Variants in FAAH2 observed in about 807,000 individuals in gnomAD.
The protein encoded by FAAH2 is fatty-acid amide hydrolase 2.
FAAH2 carries 60 observed loss-of-function variants against 36.9 expected under a neutral mutation model. The ratio of observed to expected loss-of-function variants is 1.63; its 90% CI spans 1.32 to 2.02. FAAH2 has a LOEUF of 2.02. Ranked by LOEUF, FAAH2 falls within the 30% of genes most tolerant of loss-of-function variation. The pLI is 0.00. For missense variants in FAAH2, 689 were observed against 397.5 expected (o/e 1.73, Z -6.23); for synonymous variants, 214 against 143.8 (o/e 1.49, Z -3.49).
At chrX:57,222,385 C>A in the FAAH2 span, among the ~76,000 whole-genome samples, 7,878 of 110,980 alleles carry the variant, frequency 0.071, 699 homozygotes, top group African/African-American at 0.25. Context: ...CCCTCTATAT[C>A]GACAGATGAT....
At chrX:57,374,509 G>T (rs1181714172) in intron 5 of FAAH2, among the ~76,000 whole-genome samples, 1 of 111,722 alleles carries the variant, frequency 9.0e-6, no homozygotes, top group African/African-American at 3.2e-5. Flanking sequence ...TTGATTCTCA[G>T]CTTGGTCGCT....
intron 10 of FAAH2, among the ~76,000 whole-genome samples, chrX:57,458,892 G>A (rs1266632568): frequency 8.9e-6 from 1 of 112,350 alleles, no homozygotes; most frequent in Non-Finnish European, 1.9e-5. Context: ...CTGGGAGGCT[G>A]TTTGGGCAGT....
At position 57,447,001 on chromosome X, in the gene FAAH2, G is replaced by C; in HGVS notation, c.1190G>C (p.Trp397Ser). The change falls in exon 9 of 11, where the codon TGG becomes TCG. Residue 397 changes from tryptophan (W) to serine (S), a missense_variant. Transcript: ENST00000374900. ...HVSPLWELIK[W>S]CLGLSVYTIP... ...AGTCCTCTGTGGGAGTTGATCAAATGGTGCCTGGGTCTGTCAGTGTACACC... is the reference window on the plus strand; with the variant it reads ...AGTCCTCTGTGGGAGTTGATCAAATCGTGCCTGGGTCTGTCAGTGTACACC... 7 of 1,208,628 alleles carry C rather than the reference G, an allele frequency of 5.8e-6. No individual in the cohort carries two copies. The highest frequency in any genetic ancestry group is 7.8e-6 in the Non-Finnish European group (7 of 893,621).
the FAAH2 span, among the ~76,000 whole-genome samples, chrX:57,157,721 G>T: frequency 8.9e-6 from 1 of 111,887 alleles, no homozygotes; most frequent in African/African-American, 3.2e-5. Flanking sequence ...GGTATTTTTT[G>T]CATGAATACT....
chrX:57,231,094 T>C, the FAAH2 span, among the ~76,000 whole-genome samples: 23 of 109,159 alleles, frequency 2.1e-4, no homozygotes, highest in African/African-American at 6.7e-4. Context: ...TATGGGTTTC[T>C]GAGGTCAGTA....
chrX:57,218,371 C>G, the FAAH2 span, among the ~76,000 whole-genome samples: 5 of 111,788 alleles, frequency 4.5e-5, no homozygotes, highest in Non-Finnish European at 7.5e-5. Context: ...TAAGGTATGT[C>G]CCTTGTATGC....
At chrX:57,204,383 G>T in the FAAH2 span, among the ~76,000 whole-genome samples, 3 of 111,585 alleles carry the variant, frequency 2.7e-5, no homozygotes, top group Middle Eastern at 9.3e-3. Flanking sequence ...TGTTCTCTGT[G>T]TCAGCCATTG....
chrX:57,282,155 A>C (rs184934723), upstream of FAAH2, among the ~76,000 whole-genome samples: 1 of 112,286 alleles, frequency 8.9e-6, no homozygotes, highest in African/African-American at 3.2e-5. Context: ...AATGCCTTCC[A>C]CAATGGTTGA....
intron 7 of FAAH2, among the ~76,000 whole-genome samples, chrX:57,431,322 C>T (rs1017581159): frequency 2.7e-5 from 3 of 111,612 alleles, no homozygotes; most frequent in African/African-American, 9.8e-5. Context: ...CTTCTCAGAG[C>T]TTAAGTTGTA....
intron 10 of FAAH2, among the ~76,000 whole-genome samples, chrX:57,470,368 A>G (rs1008044608): frequency 9.0e-6 from 1 of 111,699 alleles, no homozygotes; most frequent in Admixed American, 9.5e-5. Flanking sequence ...CTAATAAAGA[A>G]GAAAAGAGAA....
chrX:57,162,857 A>T, the FAAH2 span, among the ~76,000 whole-genome samples: 1 of 112,851 alleles, frequency 8.9e-6, no homozygotes, highest in Non-Finnish European at 1.9e-5. Context: ...TTCTTCTCTC[A>T]GCTTGTCAAA....
At chrX:57,232,734 C>T in the FAAH2 span, among the ~76,000 whole-genome samples, 1 of 112,132 alleles carries the variant, frequency 8.9e-6, no homozygotes, top group African/African-American at 3.2e-5. Flanking sequence ...TTGTTTTCTT[C>T]TAACTCTTAG....
At chrX:57,398,497 C>T (rs962476150) in intron 7 of FAAH2, among the ~76,000 whole-genome samples, 1 of 111,078 alleles carries the variant, frequency 9.0e-6, no homozygotes, top group South Asian at 3.8e-4. Context: ...CATTGCGGAT[C>T]TGGTTGCTTT....
At chrX:57,486,488 G>C (rs935772011) in intron 10 of FAAH2, among the ~76,000 whole-genome samples, 1 of 111,686 alleles carries the variant, frequency 9.0e-6, no homozygotes, top group African/African-American at 3.3e-5. Context: ...AGTCCTGTTG[G>C]CTGTTTTCTA....
intron 8 of FAAH2, among the ~76,000 whole-genome samples, chrX:57,443,951 G>A (rs1487033057): frequency 3.6e-5 from 4 of 111,928 alleles, no homozygotes; most frequent in African/African-American, 9.7e-5. Flanking sequence ...GGCTGATGTT[G>A]CTGCCTGATC....
the FAAH2 span, among the ~76,000 whole-genome samples, chrX:57,140,224 C>T: frequency 4.6e-5 from 5 of 109,771 alleles, no homozygotes; most frequent in South Asian, 7.7e-4. Flanking sequence ...AGTTACAGTT[C>T]GTTTTTGGTG....
At chrX:57,402,247 A>G (rs1415121430) in intron 7 of FAAH2, among the ~76,000 whole-genome samples, 1 of 111,942 alleles carries the variant, frequency 8.9e-6, no homozygotes, top group East Asian at 2.8e-4. Context: ...TTCCCTTGAC[A>G]TAAGGGGCAT....
At chrX:57,216,623 C>A in the FAAH2 span, among the ~76,000 whole-genome samples, 285 of 49,933 alleles carry the variant, frequency 5.7e-3, 13 homozygotes, top group Non-Finnish European at 0.012. Context: ...TATATATATA[C>A]GTATATATAT....
chrX:57,220,552 C>G, the FAAH2 span, among the ~76,000 whole-genome samples: 4 of 112,160 alleles, frequency 3.6e-5, no homozygotes, highest in Non-Finnish European at 1.9e-5. Context: ...ACAAGTCCTT[C>G]TTAATTTAGC....
Sources: gnomAD v4.1 joint callset for allele counts (sites outside exome capture counted in the v4.1 genomes callset) on GRCh38, gnomAD v4.1.1 for gene constraint, MANE v1.5 for transcripts, NCBI Gene and HGNC (gene_info 2026-07-23, HGNC 2026-07-21) for gene names.